Variants in GART observed in about 807,000 individuals in gnomAD.
GART encodes the protein trifunctional purine biosynthetic protein adenosine-3.
Under a neutral mutation model 107.2 loss-of-function variants are expected in GART, and 43 were observed. The observed-to-expected ratio is 0.40, with a 90% CI of 0.31 to 0.52. The LOEUF (loss-of-function observed/expected upper bound fraction) is 0.52, where lower values mean the gene tolerates loss of function less well. Among genes scored for constraint, GART ranks in the 20% least tolerant of loss-of-function variants. The probability of loss-of-function intolerance (pLI) is 0.52; values close to 1 mark genes in which losing one functional copy is unlikely to be tolerated. For missense variants in GART, 1,107 were observed against 1,206.5 expected, an observed-to-expected ratio of 0.92 and a Z score of 1.22; for synonymous variants, 434 against 427.0, an observed-to-expected ratio of 1.02 and a Z score of -0.20.
intron 2 of GART, among the ~76,000 whole-genome samples, chr21:33,535,748 C>CG (rs1355586531): frequency 3.9e-5 from 6 of 152,190 alleles, no homozygotes; most frequent in African/African-American, 1.4e-4. Context: ...GTCAACACGG[C>CG]GGGGCGCGGT....
intron 11 of GART, 75 bp from the exon 12 acceptor site, chr21:33,522,357 G>A: frequency 1.7e-6 from 2 of 1,149,658 alleles, no homozygotes; most frequent in Non-Finnish European, 2.5e-6. Flanking sequence ...ATTTAAAGCA[G>A]AAGATATCCC....
chr21:33,529,000 A>C, intron 7 of GART, 63 bp from the exon 8 acceptor site: 2 of 1,070,788 alleles, frequency 1.9e-6, no homozygotes, highest in Non-Finnish European at 2.9e-6. Flanking sequence ...GTAGTATTAC[A>C]TGGGACAACA....
chr21:33,526,434 C>A (rs4816460), intron 10 of GART, among the ~76,000 whole-genome samples: 124,318 of 152,160 alleles, frequency 0.82, 51,179 homozygotes, highest in East Asian at 0.98. Flanking sequence ...TCGGCCTCCC[C>A]AAGTGTTAGG....
chr21:33,522,145 G>A (rs1413085948), intron 12 of GART, 43 bp downstream of exon 12: 1 of 1,366,652 alleles, frequency 7.3e-7, no homozygotes, highest in Admixed American at 1.7e-5. Context: ...CATTCACAAT[G>A]TATATCAAAG....
rs574770510 is a variant in GART at position 33,516,018 on chromosome 21, C to T, written c.2107+971G>A. Among the ~76,000 whole-genome samples, 352 of 151,988 alleles carry T rather than the reference C, an allele frequency of 2.3e-3. 2 individuals carry two copies. Among genetic ancestry groups the T allele is most frequent in the African/African-American group, 8.0e-3 (330 of 41,468 alleles). On this transcript the variant is annotated intron_variant, in intron 16 of 21. Transcript: ENST00000381815. ...ATCCCAGTACTTTGGGAGGCTGAGG[C>T]GGGCGGATCACTTGAGGTCAGGAAT...
rs772489461 is a variant in GART at position 33,525,243 on chromosome 21, T to TA, written c.1067-244dup. The stretch of plus-strand genomic sequence containing the variant: ...CTACATAAATAAATAAATAAATAAA[T>TA]AATAATAGCCAAGTGTGGCGGCACA... On this transcript the variant is annotated intron_variant, in intron 10 of 21. Coordinates refer to ENST00000381815, the MANE Select transcript of GART (RefSeq NM_000819.5). Among the ~76,000 whole-genome samples the TA allele has an allele frequency of 2.7e-4, 41 of 151,416 alleles. 1 individual carries two copies. Among genetic ancestry groups the TA allele is most frequent in the African/African-American group, 8.0e-4 (33 of 41,066 alleles).
rs1324788224 is a variant in GART, at chr21:33,530,785, T to C, written c.697A>G (p.Met233Val). The change falls in exon 7 of 22, where the codon ATG becomes GTG. Residue 233 changes from methionine to valine, a missense_variant. By Grantham distance (21) the Met-to-Val change is conservative. Coordinates refer to ENST00000381815, the MANE Select transcript of GART (RefSeq NM_000819.5). ...TGAGGGGCTGGACAATAGGCTCCCA[T>C]TCCCCCTGTGTTAGGGCCACCATCT... is the stretch of plus-strand genomic sequence containing the variant. ...EGDGGPNTGG[M>V]GAYCPAPQVS... 1.3e-6 allele frequency: 2 copies of C among 1,518,816 alleles called. No individual in the cohort carries two copies. Among genetic ancestry groups the C allele is most frequent in the Non-Finnish European group, 8.8e-7 (1 of 1,139,460 alleles). The allele number at this position is 1,518,816 out of a possible 1,614,324, so 94.1% of individuals were successfully genotyped here. A position where few individuals can be genotyped will look rare whatever the true frequency, so the allele number is the denominator to read the frequency against.
In GART at chr21:33,504,442, T is replaced by A. The variant is rs763387008; in HGVS notation, c.2811A>T (p.Thr937=). The A allele has an allele frequency of 6.2e-7, 1 of 1,614,092 alleles. No homozygotes were observed. Among genetic ancestry groups the A allele is most frequent in the South Asian group, 1.1e-5 (1 of 91,084 alleles). Residue 937 remains threonine, a synonymous_variant, in exon 21 of 22, where the codon ACA becomes ACT. Coordinates refer to ENST00000381815, the MANE Select transcript of GART (RefSeq NM_000819.5). ...CAAAGTGTACAGTGCACCCAGTAAC[T>A]GTGACTCCGGTTTCCAGGGCTTGCT... The part of the protein sequence containing the change: ...AHEQALETGV[T]VTGCTVHFVA...
intron 4 of GART, among the ~76,000 whole-genome samples, chr21:33,533,109 T>C (rs2085225060): frequency 6.6e-6 from 1 of 152,138 alleles, no homozygotes; most frequent in East Asian, 1.9e-4. Flanking sequence ...GCTTTCCACA[T>C]AATAGAGAAC....
intron 18 of GART, among the ~76,000 whole-genome samples, chr21:33,506,334 G>A (rs1013841847): frequency 6.6e-6 from 1 of 152,068 alleles, no homozygotes; most frequent in African/African-American, 2.4e-5. Flanking sequence ...AGTAGAGATG[G>A]GGTTTCACCA....
chr21:33,521,695 C>G lies in GART; in HGVS notation c.1393+493G>C, dbSNP rs563449556. On this transcript the variant is annotated intron_variant, in intron 12 of 21. Coordinates refer to ENST00000381815, the MANE Select transcript of GART (RefSeq NM_000819.5). ...AAAGGACCAGCCAGACATGGTGGCTCATGCCTATAATCCCAGCACTTTGGG... is the reference window on the plus strand; with the variant it reads ...AAAGGACCAGCCAGACATGGTGGCTGATGCCTATAATCCCAGCACTTTGGG... 2.0e-5 allele frequency among the ~76,000 whole-genome samples: 3 copies of G among 148,936 alleles called. No homozygotes were observed. In the South Asian group the frequency reaches 6.4e-4, roughly 32 times the overall value.
At chr21:33,518,809 A>C (rs1263540397) in intron 14 of GART, 2 of 519,834 alleles carry the variant, frequency 3.8e-6, no homozygotes. Flanking sequence ...GTCTCCTTAA[A>C]CTAGTCAGAT....
chr21:33,505,855 C>T, intron 19 of GART, 119 bp downstream of exon 19: 1 of 1,454,200 alleles, frequency 6.9e-7, no homozygotes, highest in Non-Finnish European at 9.4e-7. Context: ...AAGGCAAGCC[C>T]AGCACCCACC....
Position 33,506,011 on chromosome 21 carries a change from C to CTTA in GART, c.2545_2546insTAA (p.Gly849delinsValArg). On this transcript the variant is annotated protein_altering_variant, in exon 19 of 22. Coordinates refer to ENST00000381815, the MANE Select transcript of GART (RefSeq NM_000819.5). ...ACCAGCTCTTTCCGCTTTATCTAAC[C>CTTA]CAGCTACTGCGGCTTTGTTGGAGAT... The CTTA allele has an allele frequency of 6.2e-7, 1 of 1,614,200 alleles. No individual in the cohort carries two copies. Among genetic ancestry groups the CTTA allele is most frequent in the South Asian group, 1.1e-5 (1 of 91,088 alleles).
intron 5 of GART, 157 bp downstream of exon 5, chr21:33,532,188 T>C: frequency 1.6e-6 from 1 of 635,502 alleles, no homozygotes; most frequent in Non-Finnish European, 2.8e-6. Flanking sequence ...ATAACTATTT[T>C]ATAGAGATGG....
chr21:33,535,085 C>T (rs2085278461), intron 3 of GART, 140 bp downstream of exon 3: 1 of 562,476 alleles, frequency 1.8e-6, no homozygotes, highest in Admixed American at 3.8e-5. Context: ...AAAATCTAGA[C>T]TCCATAAATT....
At chr21:33,504,853 G>A (rs1022158393) in intron 20 of GART, among the ~76,000 whole-genome samples, 1 of 152,292 alleles carries the variant, frequency 6.6e-6, no homozygotes, top group African/African-American at 2.4e-5. Context: ...TTCTTACATA[G>A]CATCTATGTG....
At chr21:33,527,379 C>T (rs1454100004) in intron 10 of GART, among the ~76,000 whole-genome samples, 1 of 152,026 alleles carries the variant, frequency 6.6e-6, no homozygotes, top group African/African-American at 2.4e-5. Context: ...ATTAGCTGGG[C>T]CTGGTAGCAT....
At chr21:33,537,795 G>A (rs1461602371) in intron 2 of GART, among the ~76,000 whole-genome samples, 1 of 152,172 alleles carries the variant, frequency 6.6e-6, no homozygotes, top group Non-Finnish European at 1.5e-5. Context: ...GGAAGAGCAG[G>A]CAGAAGACAG....
Sources: allele counts gnomAD v4.1 joint callset (sites outside exome capture counted in the v4.1 genomes callset), GRCh38; gene constraint gnomAD v4.1.1; transcripts MANE v1.5; gene names NCBI Gene and HGNC (gene_info 2026-07-23, HGNC 2026-07-21).